Variants in HIBCH observed in about 807,000 individuals in gnomAD.
HIBCH encodes the protein 3-hydroxyisobutyryl-CoA hydrolase, mitochondrial.
In HIBCH, 50 loss-of-function variants were observed where a neutral mutation model predicts 58.2. The ratio of observed to expected loss-of-function variants is 0.86; its 90% confidence interval spans 0.68 to 1.09. HIBCH has a LOEUF of 1.09. Ranked by LOEUF, HIBCH falls within the 50% of genes least tolerant of loss-of-function variation. HIBCH has a pLI of 0.00. For synonymous variants in HIBCH, 151 were observed against 146.9 expected, an observed-to-expected ratio of 1.03 and a Z score of -0.20; for missense variants, 450 against 449.7, an observed-to-expected ratio of 1.00 and a Z score of -0.01.
At chr2:190,305,597 G>A (rs1688382617) in intron 2 of HIBCH, among the ~76,000 whole-genome samples, 1 of 152,110 alleles carries the variant, frequency 6.6e-6, no homozygotes, top group Non-Finnish European at 1.5e-5. Flanking sequence ...CTGAGGTACT[G>A]GGGACTAGGA....
chr2:190,317,798 G>A (rs1452842204), intron 1 of HIBCH, among the ~76,000 whole-genome samples: 4 of 151,550 alleles, frequency 2.6e-5, no homozygotes, highest in East Asian at 3.9e-4. Flanking sequence ...TTATACTTAC[G>A]TGCAAATTTA....
rs75763095 is a variant in HIBCH, at chr2:190,301,649, T to C, written c.79-4696A>G. Among the ~76,000 whole-genome samples the C allele has an allele frequency of 4.6e-3, 705 of 152,352 alleles. 35 individuals carry two copies. In the East Asian group the frequency reaches 0.12, roughly 25 times the overall value. On this transcript the variant is annotated intron_variant, in intron 2 of 13. Transcript: ENST00000359678. ...CACAACTGTCTTAGTCCATTCCTGC[T>C]GCTACAGCAAAATGCCTTAAACTGG... is the stretch of plus-strand genomic sequence containing the variant.
chr2:190,278,471 T>G (rs933077387), intron 6 of HIBCH, among the ~76,000 whole-genome samples: 6 of 152,186 alleles, frequency 3.9e-5, no homozygotes, highest in Non-Finnish European at 7.3e-5. Context: ...CCCAAAGTAC[T>G]AGGATTACAG....
At chr2:190,265,138 A>G (rs1180291169) in intron 6 of HIBCH, among the ~76,000 whole-genome samples, 1 of 151,046 alleles carries the variant, frequency 6.6e-6, no homozygotes, top group Admixed American at 6.6e-5. Flanking sequence ...AAAAAAAAAA[A>G]AAAAAAAAAA....
At chr2:190,230,572 A>G (rs1686066944) in intron 11 of HIBCH, among the ~76,000 whole-genome samples, 1 of 152,124 alleles carries the variant, frequency 6.6e-6, no homozygotes. Flanking sequence ...GCGCGTGCCT[A>G]TATTCCCAGA....
intron 7 of HIBCH, among the ~76,000 whole-genome samples, chr2:190,256,004 T>C (rs977673916): frequency 3.3e-5 from 5 of 152,070 alleles, no homozygotes; most frequent in African/African-American, 1.2e-4. Context: ...CAAAGCAAGC[T>C]TGGACCTTCT....
chr2:190,196,355 C>T (rs1441817362), intron 1 of HIBCH, among the ~76,000 whole-genome samples: 1 of 152,112 alleles, frequency 6.6e-6, no homozygotes, highest in Non-Finnish European at 1.5e-5. Context: ...ATGAATTTTT[C>T]ATTTCACATC....
chr2:190,235,199 G>A (rs1460894986), intron 11 of HIBCH, among the ~76,000 whole-genome samples: 1 of 152,250 alleles, frequency 6.6e-6, no homozygotes, highest in Non-Finnish European at 1.5e-5. Context: ...CAAGAGCAAG[G>A]AGGAAGAGGT....
At chr2:190,252,746 G>A (rs994529523) in intron 7 of HIBCH, among the ~76,000 whole-genome samples, 2 of 152,086 alleles carry the variant, frequency 1.3e-5, no homozygotes, top group Non-Finnish European at 2.9e-5. Flanking sequence ...CCCAACCTTA[G>A]TCAATTATCT....
chr2:190,220,042 A>G (rs1356544149), intron 11 of HIBCH, among the ~76,000 whole-genome samples: 2 of 152,218 alleles, frequency 1.3e-5, no homozygotes, highest in Non-Finnish European at 2.9e-5. Context: ...GCACTTGTTT[A>G]CAGCATTTAA....
intron 6 of HIBCH, among the ~76,000 whole-genome samples, chr2:190,265,627 T>A (rs1021769034): frequency 2.0e-5 from 3 of 152,182 alleles, no homozygotes; most frequent in African/African-American, 7.2e-5. Flanking sequence ...CATTACAATT[T>A]ATTCATTTTG....
At chr2:190,250,239 C>T in intron 8 of HIBCH, 1 of 357,768 alleles carries the variant, frequency 2.8e-6, no homozygotes, top group Non-Finnish European at 5.7e-6. Context: ...CCTGACAATA[C>T]CTTTTCCTGA....
chr2:190,253,785 TAC>T (rs1351561011), intron 7 of HIBCH, among the ~76,000 whole-genome samples: 13 of 152,172 alleles, frequency 8.5e-5, no homozygotes, highest in Non-Finnish European at 1.9e-4. Flanking sequence ...CTACATCCCT[TAC>T]TACTCACTCC....
chr2:190,203,110 C>T (rs974524207), downstream of HIBCH: 2 of 167,044 alleles, frequency 1.2e-5, no homozygotes, highest in Admixed American at 6.5e-5. Context: ...ATATATCCTA[C>T]TCAGTATCAT....
intron 2 of HIBCH, among the ~76,000 whole-genome samples, chr2:190,308,148 TGA>T (rs1688462176): frequency 6.6e-6 from 1 of 152,194 alleles, no homozygotes; most frequent in African/African-American, 2.4e-5. Context: ...CCCCAGGCCC[TGA>T]GAGTCTTTAT....
At chr2:190,240,585 T>A (rs1438935448) in intron 11 of HIBCH, among the ~76,000 whole-genome samples, 3 of 152,232 alleles carry the variant, frequency 2.0e-5, no homozygotes, top group Non-Finnish European at 2.9e-5. Context: ...TGTAAGGGTG[T>A]CAATTTTAGA....
In HIBCH at chr2:190,217,120, G is replaced by A. The variant is rs1015196432; in HGVS notation, c.892-4045C>T. 6.6e-6 allele frequency among the ~76,000 whole-genome samples: 1 copy of A among 152,180 alleles called. No homozygotes were observed. The highest frequency in any genetic ancestry group is 1.5e-5 in the Non-Finnish European group (1 of 68,038). ...TTGGCCCAGTGCCAGACCCAGCAGG[G>A]CCCGACCAAAGGCACCCTGGGAAGC... On this transcript the variant is annotated intron_variant, in intron 11 of 13. Coordinates refer to ENST00000359678, the MANE Select transcript of HIBCH (RefSeq NM_014362.4). The surrounding 1 kb of genome is among the most constrained non-coding windows in gnomAD (Gnocchi z 4.6).
downstream of HIBCH, chr2:190,200,593 A>G (rs1367977996): frequency 5.5e-6 from 1 of 181,068 alleles, no homozygotes. Flanking sequence ...CACTCAAATC[A>G]TAGTGATTAA....
intron 6 of HIBCH, among the ~76,000 whole-genome samples, chr2:190,264,337 A>G (rs892876205): frequency 1.3e-5 from 2 of 151,750 alleles, no homozygotes; most frequent in Non-Finnish European, 2.9e-5. Flanking sequence ...GTACACAAAC[A>G]GTAACAAATA....
Sources: gnomAD v4.1 joint callset for allele counts (sites outside exome capture counted in the v4.1 genomes callset) on GRCh38, gnomAD v4.1.1 for gene constraint, Gnocchi (gnomAD v3.1) non-coding constraint, MANE v1.5 for transcripts, NCBI Gene and HGNC (gene_info 2026-07-23, HGNC 2026-07-21) for gene names.